Variants in KIFAP3 observed in about 807,000 individuals in gnomAD.
The protein encoded by KIFAP3 is kinesin-associated protein 3.
KIFAP3 carries 68 observed loss-of-function variants against 106.5 expected under a neutral mutation model. The observed-to-expected ratio is 0.64, with a 90% CI of 0.53 to 0.78. The LOEUF is 0.78. Ranked by LOEUF, KIFAP3 falls within the 30% of genes least tolerant of loss-of-function variation. The pLI, the probability that KIFAP3 is intolerant of heterozygous loss-of-function variation, is 0.00. For synonymous variants in KIFAP3, 320 were observed against 311.5 expected (o/e 1.03, Z -0.29); for missense variants, 780 against 941.8 (o/e 0.83, Z 2.25).
upstream of KIFAP3, among the ~76,000 whole-genome samples, chr1:170,078,523 G>A (rs1240775482): frequency 6.6e-6 from 1 of 152,054 alleles, no homozygotes; most frequent in Non-Finnish European, 1.5e-5. Context: ...ATGATAATTT[G>A]AAAATTATGA....
At chr1:169,997,664 A>G (rs1390281298) in intron 10 of KIFAP3, among the ~76,000 whole-genome samples, 1 of 152,016 alleles carries the variant, frequency 6.6e-6, no homozygotes, top group Non-Finnish European at 1.5e-5. Flanking sequence ...TGAGGTCAGG[A>G]GTTCAAGACC....
intron 19 of KIFAP3, among the ~76,000 whole-genome samples, chr1:169,941,675 C>T (rs950421585): frequency 2.0e-5 from 3 of 151,900 alleles, no homozygotes; most frequent in Admixed American, 6.6e-5. Context: ...ATATATTTAT[C>T]AATGACTATC....
chr1:169,976,196 T>C (rs1666215059), intron 16 of KIFAP3, among the ~76,000 whole-genome samples: 1 of 152,196 alleles, frequency 6.6e-6, no homozygotes, highest in African/African-American at 2.4e-5. Flanking sequence ...TGAGATGACC[T>C]GTAAATAGGG....
At chr1:170,017,044 G>A (rs966747363) in intron 9 of KIFAP3, among the ~76,000 whole-genome samples, 3 of 152,166 alleles carry the variant, frequency 2.0e-5, no homozygotes, top group African/African-American at 7.2e-5. Flanking sequence ...AGATCACGAG[G>A]TCAAGAGATT....
At chr1:170,055,204 T>C (rs561314427) in intron 2 of KIFAP3, 101 bp downstream of exon 2, 3 of 970,566 alleles carry the variant, frequency 3.1e-6, no homozygotes, top group South Asian at 1.9e-5. Flanking sequence ...CCTGGAAGAA[T>C]GCCATAATTA....
intron 10 of KIFAP3, among the ~76,000 whole-genome samples, chr1:169,998,186 G>A (rs1260874590): frequency 6.6e-6 from 1 of 152,110 alleles, no homozygotes; most frequent in Non-Finnish European, 1.5e-5. Context: ...GAGATGATGG[G>A]CTATCAAGCA....
rs370702740 is a variant in KIFAP3, at chr1:169,972,641, T to C, written c.1898-43A>G. The C allele has an allele frequency of 6.2e-6, 6 of 971,542 alleles. No individual in the cohort carries two copies. The East Asian group carries it at 1.5e-4, about 24-fold the overall frequency. The allele number at this position is 971,542 out of a possible 1,614,324, so 60.2% of individuals were successfully genotyped here. A position where few individuals can be genotyped will look rare whatever the true frequency, so the allele number is the denominator to read the frequency against. ...AAGAAACAAACTACATTTGATATTG[T>C]GGCTAGTCAATAATACTACAAAAAT... On this transcript the variant is annotated intron_variant, in intron 16 of 19. Transcript: ENST00000361580.
intron 3 of KIFAP3, among the ~76,000 whole-genome samples, chr1:170,039,669 G>A (rs1229482733): frequency 2.0e-5 from 3 of 151,720 alleles, no homozygotes; most frequent in African/African-American, 4.8e-5. Context: ...AAAAAAGTAC[G>A]ACTTGAGTAA....
chr1:170,035,902 T>G (rs1216748071), intron 5 of KIFAP3, among the ~76,000 whole-genome samples: 1 of 151,954 alleles, frequency 6.6e-6, no homozygotes, highest in Non-Finnish European at 1.5e-5. Context: ...CAGTACTGAT[T>G]TTTTTCTTTT....
intron 19 of KIFAP3, among the ~76,000 whole-genome samples, chr1:169,952,937 C>A (rs186581695): frequency 1.3e-5 from 2 of 151,880 alleles, no homozygotes; most frequent in Non-Finnish European, 2.9e-5. Flanking sequence ...TTAAAAAATA[C>A]GTGAACATAT....
intron 8 of KIFAP3, among the ~76,000 whole-genome samples, chr1:170,030,824 A>AG (rs1402191778): frequency 6.6e-6 from 1 of 151,834 alleles, no homozygotes; most frequent in African/African-American, 2.4e-5. Flanking sequence ...GAGATTGTAA[A>AG]GATGCATGAG....
intron 5 of KIFAP3, among the ~76,000 whole-genome samples, chr1:170,035,886 C>T (rs1669666207): frequency 6.6e-6 from 1 of 151,718 alleles, no homozygotes; most frequent in Admixed American, 6.6e-5. Context: ...TGTAATCTTC[C>T]TACTTCAGTA....
At position 169,976,712 on chromosome 1, in the gene KIFAP3, T is replaced by C. The variant is rs190838676; in HGVS notation, c.1897+1373A>G. ...CTTGACTCCTGGAAACTCTATATGGTTCCAGAATTTTTAATTTTTTTTGAG... is the reference window on the plus strand; with the variant it reads ...CTTGACTCCTGGAAACTCTATATGGCTCCAGAATTTTTAATTTTTTTTGAG... On this transcript the variant is annotated intron_variant, in intron 16 of 19. Coordinates refer to ENST00000361580, the MANE Select transcript of KIFAP3 (RefSeq NM_014970.4). Among the ~76,000 whole-genome samples, 99 of 152,148 alleles carry C rather than the reference T, an allele frequency of 6.5e-4. 1 individual carries two copies. The East Asian group carries it at 0.018, about 28-fold the overall frequency.
intron 2 of KIFAP3, among the ~76,000 whole-genome samples, chr1:170,052,762 T>C (rs1408283517): frequency 6.6e-6 from 1 of 152,220 alleles, no homozygotes; most frequent in African/African-American, 2.4e-5. Context: ...TCTCAATAGA[T>C]GCAGAAAAGG....
chr1:170,003,401 T>A (rs1421614569), intron 10 of KIFAP3, among the ~76,000 whole-genome samples: 1 of 152,156 alleles, frequency 6.6e-6, no homozygotes, highest in Non-Finnish European at 1.5e-5. Flanking sequence ...AAACCCTCTA[T>A]AACAAATCCT....
chr1:170,026,382 A>T (rs952282256), intron 8 of KIFAP3, among the ~76,000 whole-genome samples: 13 of 152,202 alleles, frequency 8.5e-5, no homozygotes, highest in African/African-American at 2.9e-4. Flanking sequence ...CAAAACAAAG[A>T]TTTTCACAAT....
chr1:170,038,228 T>G, intron 5 of KIFAP3, 62 bp downstream of exon 5: 1 of 1,320,394 alleles, frequency 7.6e-7, no homozygotes, highest in Non-Finnish European at 1.0e-6. Context: ...AAGTCTTAAG[T>G]TTTGTATAAA....
intron 15 of KIFAP3, among the ~76,000 whole-genome samples, chr1:169,980,463 TGCC>T (rs2101906386): frequency 6.6e-6 from 1 of 152,292 alleles, no homozygotes; most frequent in South Asian, 2.1e-4. Flanking sequence ...GAATGAGCCC[TGCC>T]CCTTAAGAGT....
chr1:169,985,717 C>T (rs1390481198), intron 11 of KIFAP3, among the ~76,000 whole-genome samples: 1 of 151,670 alleles, frequency 6.6e-6, no homozygotes, highest in Non-Finnish European at 1.5e-5. Context: ...ACTGAAGCTG[C>T]AGGCTAAATC....
Sources: gnomAD v4.1 joint callset for allele counts (sites outside exome capture counted in the v4.1 genomes callset) on GRCh38, gnomAD v4.1.1 for gene constraint, MANE v1.5 for transcripts, NCBI Gene and HGNC (gene_info 2026-07-23, HGNC 2026-07-21) for gene names.